SCUBE1: variants seen among roughly 807,000 people sequenced by gnomAD.
The protein encoded by SCUBE1 is signal peptide, CUB domain and EGF like domain containing 1.
SCUBE1 carries 59 observed loss-of-function variants against 124.4 expected under a neutral mutation model. The observed-to-expected ratio is 0.47, with a 90% CI of 0.38 to 0.59. The LOEUF is 0.59. Among genes scored for constraint, SCUBE1 ranks in the 20% least tolerant of loss-of-function variants. The pLI is 0.00. For synonymous variants in SCUBE1, 545 were observed against 550.9 expected (o/e 0.99, Z 0.15); for missense variants, 1,150 against 1,371.2 (o/e 0.84, Z 2.55).
intron 4 of SCUBE1, among the ~76,000 whole-genome samples, chr22:43,273,491 G>C (rs1413864369): frequency 1.3e-5 from 2 of 150,172 alleles, no homozygotes; most frequent in African/African-American, 4.9e-5. Flanking sequence ...CCCCATCCCA[G>C]CCCTTTCTAA....
chr22:43,338,534 C>CT (rs889007974), intron 2 of SCUBE1, among the ~76,000 whole-genome samples: 15 of 151,164 alleles, frequency 9.9e-5, no homozygotes, highest in South Asian at 6.3e-4. Context: ...TCTTTCTTTT[C>CT]TTTTTTTTTG....
chr22:43,207,958 G>T, intron 20 of SCUBE1, 114 bp downstream of exon 20: 1 of 1,204,498 alleles, frequency 8.3e-7, no homozygotes, highest in Non-Finnish European at 1.2e-6. Flanking sequence ...CTGCTTCCAG[G>T]TCTGTACCTG....
rs7364313 is a variant in SCUBE1 at position 43,210,611 on chromosome 22, C to A, written c.2383+311G>T. Among the ~76,000 whole-genome samples the A allele has an allele frequency of 0.076, 11,499 of 152,210 alleles. 583 individuals carry two copies. Among genetic ancestry groups the A allele is most frequent in the Non-Finnish European group, 0.11 (7,686 of 67,974 alleles). On this transcript the variant is annotated intron_variant, in intron 18 of 21. Transcript: ENST00000360835. The surrounding 1 kb of genome is among the most constrained non-coding windows in gnomAD (Gnocchi z 4.5). ...GTCAGTGCCCCTGTAGGCTGTCAGCCCCCCCAGCAGACCCAGAAACTAGAG... is the reference window on the plus strand; with the variant it reads ...GTCAGTGCCCCTGTAGGCTGTCAGCACCCCCAGCAGACCCAGAAACTAGAG...
intron 4 of SCUBE1, chr22:43,281,902 T>C (rs1016512684): frequency 1.3e-5 from 2 of 152,692 alleles, no homozygotes; most frequent in African/African-American, 4.8e-5. Flanking sequence ...GCTTTGGGCC[T>C]GGCTTCAGGC....
chr22:43,217,707 ACTGTCTCGTGTG>A (rs760406521), intron 15 of SCUBE1, among the ~76,000 whole-genome samples: 25 of 151,980 alleles, frequency 1.6e-4, no homozygotes, highest in Non-Finnish European at 3.5e-4. Flanking sequence ...TAGAACTAGG[ACTGTCTCGTGTG>A]CTGGTTCTGC....
intron 8 of SCUBE1, among the ~76,000 whole-genome samples, chr22:43,229,531 C>T (rs889501701): frequency 2.6e-5 from 4 of 152,172 alleles, no homozygotes; most frequent in Admixed American, 6.5e-5. Flanking sequence ...ATTGAATCCA[C>T]GCCTGCAGGA....
chr22:43,280,226 G>A (rs754708560), intron 4 of SCUBE1, among the ~76,000 whole-genome samples: 3 of 152,090 alleles, frequency 2.0e-5, no homozygotes, highest in Non-Finnish European at 2.9e-5. Context: ...CCAGCGTTCT[G>A]CGCTACGAAG....
In SCUBE1 at chr22:43,320,078, G is replaced by A; in HGVS notation, c.221-13C>T. The A allele has an allele frequency of 2.5e-6, 4 of 1,613,422 alleles. No homozygotes were observed. Among genetic ancestry groups the A allele is most frequent in the South Asian group, 1.1e-5 (1 of 90,964 alleles). ...CACTCGTCAATGTCTGCAAAAGGAA[G>A]GGCATGAGAGGTGTCAGAAGAAGAG... On this transcript the variant is annotated splice_polypyrimidine_tract_variant and intron_variant, in intron 2 of 21. Coordinates refer to ENST00000360835, the MANE Select transcript of SCUBE1 (RefSeq NM_173050.5).
intron 8 of SCUBE1, among the ~76,000 whole-genome samples, chr22:43,230,515 G>A (rs957090198): frequency 6.6e-6 from 1 of 152,180 alleles, no homozygotes; most frequent in East Asian, 1.9e-4. Flanking sequence ...CTCGACAGCC[G>A]CCTGCCTCTT....
intron 6 of SCUBE1, among the ~76,000 whole-genome samples, chr22:43,253,709 C>T (rs5751454): frequency 0.04 from 5,490 of 135,734 alleles, 121 homozygotes; most frequent in African/African-American, 0.085. Flanking sequence ...AGCACAGAGG[C>T]CCTCCTCCCC....
intron 6 of SCUBE1, among the ~76,000 whole-genome samples, chr22:43,247,488 T>C (rs933476098): frequency 6.6e-6 from 1 of 152,206 alleles, no homozygotes; most frequent in African/African-American, 2.4e-5. Flanking sequence ...CTTACAGCAA[T>C]GACACAGCCT....
At chr22:43,314,834 G>C (rs1926289760) in intron 3 of SCUBE1, among the ~76,000 whole-genome samples, 1 of 152,090 alleles carries the variant, frequency 6.6e-6, no homozygotes, top group Non-Finnish European at 1.5e-5. Flanking sequence ...CTAGCCTCTA[G>C]GTCATTAGTT....
At chr22:43,314,001 A>T (rs1926257101) in intron 3 of SCUBE1, among the ~76,000 whole-genome samples, 1 of 152,090 alleles carries the variant, frequency 6.6e-6, no homozygotes, top group African/African-American at 2.4e-5. Flanking sequence ...ACTGGACAAG[A>T]CTCTTGACCC....
intron 6 of SCUBE1, 197 bp from the exon 7 acceptor site, chr22:43,239,151 G>A (rs1407654779): frequency 1.7e-6 from 1 of 597,712 alleles, no homozygotes; most frequent in African/African-American, 1.9e-5. Context: ...TGTGAAATGG[G>A]GGAATGACAC....
chr22:43,223,219 A>G lies in SCUBE1; in HGVS notation c.1208-3T>C, dbSNP rs1922172012. On this transcript the variant is annotated splice_region_variant and splice_polypyrimidine_tract_variant and intron_variant, in intron 10 of 21. Coordinates refer to ENST00000360835, the MANE Select transcript of SCUBE1 (RefSeq NM_173050.5). Reference sequence around the variant, plus strand: ...GCGAGAAAGACACTTGCCTGTCTCTATGAAGGGAGATACGAGAGAGGGCTG... The same window carrying G: ...GCGAGAAAGACACTTGCCTGTCTCTGTGAAGGGAGATACGAGAGAGGGCTG... 21 of 1,568,770 alleles carry G rather than the reference A, an allele frequency of 1.3e-5. No homozygotes were observed. Among genetic ancestry groups the G allele is most frequent in the Non-Finnish European group, 1.7e-5 (20 of 1,166,534 alleles).
intron 4 of SCUBE1, among the ~76,000 whole-genome samples, chr22:43,275,735 G>C (rs1924481951): frequency 1.3e-5 from 2 of 152,242 alleles, no homozygotes; most frequent in Non-Finnish European, 2.9e-5. Flanking sequence ...CACATACCGA[G>C]GTTGTAATCA....
chr22:43,311,787 C>T (rs1325283702), intron 3 of SCUBE1, among the ~76,000 whole-genome samples: 1 of 152,048 alleles, frequency 6.6e-6, no homozygotes, highest in African/African-American at 2.4e-5. Context: ...CCTCATGGAC[C>T]TAAGAGCCCT....
chr22:43,265,752 T>C (rs1029717497), intron 4 of SCUBE1, among the ~76,000 whole-genome samples: 13 of 152,226 alleles, frequency 8.5e-5, no homozygotes, highest in Non-Finnish European at 1.5e-5. Flanking sequence ...GGCTAGATAC[T>C]ACAGAGAGAA....
intron 6 of SCUBE1, among the ~76,000 whole-genome samples, chr22:43,239,622 C>T (rs1051357459): frequency 2.0e-5 from 3 of 152,262 alleles, no homozygotes; most frequent in Admixed American, 6.5e-5. Context: ...GTCATTGAAG[C>T]CGTCATGCCG....
Sources: gnomAD v4.1 joint callset for allele counts (sites outside exome capture counted in the v4.1 genomes callset) on GRCh38, gnomAD v4.1.1 for gene constraint, Gnocchi (gnomAD v3.1) non-coding constraint, MANE v1.5 for transcripts, NCBI Gene and HGNC (gene_info 2026-07-23, HGNC 2026-07-21) for gene names.